The following COMMD10 variants were observed in gnomAD, a reference collection of about 807,000 sequenced individuals.
The protein encoded by COMMD10 is COMM domain-containing protein 10.
In COMMD10, 33 loss-of-function variants were observed where a neutral mutation model predicts 28.9. The ratio of observed to expected loss-of-function variants is 1.14; its 90% CI spans 0.87 to 1.53. The LOEUF is 1.53. COMMD10 is among the 40% of genes most tolerant of loss of function. COMMD10 has a pLI of 0.00. For synonymous variants in COMMD10, 110 were observed against 81.7 expected, an observed-to-expected ratio of 1.35 and a Z score of -1.87; for missense variants, 310 against 233.4, an observed-to-expected ratio of 1.33 and a Z score of -2.14.
chr5:116,209,915 G>A (rs979653883), intron 5 of COMMD10, among the ~76,000 whole-genome samples: 2 of 152,028 alleles, frequency 1.3e-5, no homozygotes, highest in Non-Finnish European at 2.9e-5. Context: ...TACACACTGG[G>A]TAAATTGTAA....
At chr5:116,163,381 T>C (rs1561641287) in intron 5 of COMMD10, among the ~76,000 whole-genome samples, 2 of 143,952 alleles carry the variant, frequency 1.4e-5, no homozygotes, top group African/African-American at 5.5e-5. Context: ...GGTCAGGAGT[T>C]GGAGACTAGC....
At chr5:116,260,209 G>A (rs1483402093) in intron 5 of COMMD10, among the ~76,000 whole-genome samples, 2 of 151,810 alleles carry the variant, frequency 1.3e-5, no homozygotes, top group African/African-American at 4.9e-5. Context: ...TTTCAATGGA[G>A]ACTTATCAAC....
intron 5 of COMMD10, among the ~76,000 whole-genome samples, chr5:116,170,263 T>C (rs1407869879): frequency 1.3e-5 from 2 of 152,042 alleles, no homozygotes; most frequent in African/African-American, 4.8e-5. Context: ...ACAAAATATC[T>C]AGAAATACAA....
At chr5:116,223,655 G>A (rs988937377) in intron 5 of COMMD10, among the ~76,000 whole-genome samples, 6 of 152,142 alleles carry the variant, frequency 3.9e-5, no homozygotes, top group African/African-American at 1.4e-4. Context: ...AGTCAGAGAG[G>A]GACAGAAGGG....
At chr5:116,136,613 G>A (rs1235615904) in intron 5 of COMMD10, among the ~76,000 whole-genome samples, 1 of 152,150 alleles carries the variant, frequency 6.6e-6, no homozygotes, top group Non-Finnish European at 1.5e-5. Flanking sequence ...GAATAAAAGA[G>A]TAATGCTTCT....
intron 5 of COMMD10, among the ~76,000 whole-genome samples, chr5:116,163,553 C>T (rs78672605): frequency 5.9e-5 from 9 of 151,858 alleles, no homozygotes; most frequent in South Asian, 4.2e-4. Flanking sequence ...TGCACCATCG[C>T]GCTCCAGCCT....
intron 5 of COMMD10, among the ~76,000 whole-genome samples, chr5:116,204,583 G>T (rs193100287): frequency 6.6e-6 from 1 of 152,160 alleles, no homozygotes; most frequent in African/African-American, 2.4e-5. Context: ...AAGTATAACT[G>T]CAGCAGCAAT....
chr5:116,241,582 T>TA (rs1561387682), intron 5 of COMMD10, among the ~76,000 whole-genome samples: 1 of 110,802 alleles, frequency 9.0e-6, no homozygotes, highest in Non-Finnish European at 1.9e-5. Context: ...CACTCTGCTT[T>TA]CTTATTTATT....
chr5:116,292,428 T>G, intron 6 of COMMD10, 23 bp from the exon 7 acceptor site: 1 of 1,492,692 alleles, frequency 6.7e-7, no homozygotes. Flanking sequence ...AACGTCTTTT[T>G]TTTTTTTTGT....
intron 5 of COMMD10, among the ~76,000 whole-genome samples, chr5:116,155,370 C>A (rs1342831811): frequency 6.6e-6 from 1 of 152,034 alleles, no homozygotes. Flanking sequence ...TTCAGATTCT[C>A]ATTTCTTTGA....
At chr5:116,261,394 T>C (rs1330609902) in intron 5 of COMMD10, among the ~76,000 whole-genome samples, 1 of 151,760 alleles carries the variant, frequency 6.6e-6, no homozygotes, top group Non-Finnish European at 1.5e-5. Context: ...GAGGATTTTC[T>C]TGTTCCAGGT....
intron 5 of COMMD10, among the ~76,000 whole-genome samples, chr5:116,149,436 C>A (rs1420024800): frequency 6.7e-6 from 1 of 148,600 alleles, no homozygotes; most frequent in African/African-American, 2.5e-5. Flanking sequence ...GCCACACAGA[C>A]TTCCACAATG....
At chr5:116,125,120 C>G (rs1235346758) in intron 4 of COMMD10, among the ~76,000 whole-genome samples, 2 of 152,062 alleles carry the variant, frequency 1.3e-5, no homozygotes, top group Non-Finnish European at 2.9e-5. Flanking sequence ...TTATTTTCCT[C>G]GTTAGTTGAT....
At chr5:116,230,858 G>A (rs183948565) in intron 5 of COMMD10, among the ~76,000 whole-genome samples, 390 of 152,196 alleles carry the variant, frequency 2.6e-3, no homozygotes, top group Non-Finnish European at 4.4e-3. Flanking sequence ...TAATACGTGT[G>A]TGTGTGTAGA....
rs1441382332 is a variant in COMMD10, at chr5:116,120,244, A to G, written c.400-13824A>G. Among the ~76,000 whole-genome samples the G allele has an allele frequency of 3.3e-5, 5 of 152,160 alleles. 1 individual carries two copies. Among genetic ancestry groups the G allele is most frequent in the Admixed American group, 1.3e-4 (2 of 15,276 alleles). Reference sequence around the variant, plus strand: ...GGAGGCCAGTTTTCTAAATGAAGTAATTCAGGAATGGAAAACCAAATATCT... The same window carrying G: ...GGAGGCCAGTTTTCTAAATGAAGTAGTTCAGGAATGGAAAACCAAATATCT... On this transcript the variant is annotated intron_variant, in intron 4 of 6. Transcript: ENST00000274458.
intron 5 of COMMD10, among the ~76,000 whole-genome samples, chr5:116,237,658 G>A (rs1749704982): frequency 2.0e-5 from 3 of 152,160 alleles, no homozygotes. Flanking sequence ...AAAAAAAGAG[G>A]CAAGATTTTT....
intron 5 of COMMD10, among the ~76,000 whole-genome samples, chr5:116,192,189 G>C (rs766942619): frequency 6.6e-6 from 1 of 151,922 alleles, no homozygotes; most frequent in Non-Finnish European, 1.5e-5. Flanking sequence ...CCTTCCCTCT[G>C]ACAGAGCCTA....
intron 4 of COMMD10, among the ~76,000 whole-genome samples, chr5:116,093,460 G>C (rs1352541997): frequency 6.6e-6 from 1 of 152,162 alleles, no homozygotes; most frequent in African/African-American, 2.4e-5. Flanking sequence ...ATCCCTAGCT[G>C]TCCACATTCT....
intron 5 of COMMD10, among the ~76,000 whole-genome samples, chr5:116,210,825 G>T (rs1184023145): frequency 1.3e-5 from 2 of 152,110 alleles, no homozygotes; most frequent in East Asian, 1.9e-4. Context: ...CATAGGTAAA[G>T]AACTTATTTT....
Sources: gnomAD v4.1 joint callset for allele counts (sites outside exome capture counted in the v4.1 genomes callset) on GRCh38, gnomAD v4.1.1 for gene constraint, MANE v1.5 for transcripts, NCBI Gene and HGNC (gene_info 2026-07-23, HGNC 2026-07-21) for gene names.